The following EXOSC1 variants were observed in gnomAD, a reference collection of about 807,000 sequenced individuals.
The protein encoded by EXOSC1 is exosome component 1.
A neutral mutation model predicts 31.4 loss-of-function variants in EXOSC1; 27 were observed. The observed-to-expected ratio is 0.86, with a 90% confidence interval of 0.63 to 1.18. The LOEUF (loss-of-function observed/expected upper bound fraction) is 1.18. Ranked by LOEUF, EXOSC1 falls within the 50% of genes most tolerant of loss-of-function variation. The pLI is 0.00. For synonymous variants in EXOSC1, 84 were observed against 89.5 expected, an observed-to-expected ratio of 0.94 and a Z score of 0.35; for missense variants, 228 against 250.3, an observed-to-expected ratio of 0.91 and a Z score of 0.60.
chr10:97,436,584 C>A (rs756113295), intron 7 of EXOSC1, 33 bp from the exon 8 acceptor site: 1 of 1,554,034 alleles, frequency 6.4e-7, no homozygotes, highest in South Asian at 1.2e-5. Context: ...GGAGCCCAGA[C>A]CCCAAAGATT....
At position 97,443,389 on chromosome 10, in the gene EXOSC1, A is replaced by G. The variant is rs550878305; in HGVS notation, c.148-78T>C. On this transcript the variant is annotated intron_variant, in intron 2 of 7. Transcript: ENST00000370902. ...GGCATTTGTGGCTTGAGAGTAATAT[A>G]GGAATGTCTTGGTATAAAGGTGAGA... 9.2e-5 allele frequency: 115 copies of G among 1,243,526 alleles called. 2 individuals are homozygous for G. The South Asian group carries it at 1.4e-3, about 16-fold the overall frequency. 77.0% of individuals were successfully genotyped at this position (1,243,526 alleles called of 1,614,324 possible).
rs905348066 is a variant in EXOSC1 at position 97,441,175 on chromosome 10, T to C, written c.307A>G (p.Ile103Val). ...TGTGAAAAGGATACTTCTTACCGGA[T>C]AGTTCCTCGAAAAGAGTTCTTAAGA... ...MPLKNSFRGT[I>V]RKEDVRATEK... is the part of the protein sequence containing the mutation. The change falls in exon 4 of 8, where the codon ATC (isoleucine) becomes GTC (valine). Residue 103 changes from isoleucine (I) to valine (V), a missense_variant. Transcript: ENST00000370902. 1 of 1,613,486 alleles carries C rather than the reference T, an allele frequency of 6.2e-7. No individual in the cohort carries two copies. Among genetic ancestry groups the C allele is most frequent in the Non-Finnish European group, 8.5e-7 (1 of 1,179,442 alleles).
intron 4 of EXOSC1, 195 bp downstream of exon 4, chr10:97,440,976 G>A (rs72833967): frequency 0.024 from 10,981 of 466,732 alleles, 218 homozygotes; most frequent in Middle Eastern, 0.054. Context: ...AAACCCTCTC[G>A]TTAATATTTT....
At chr10:97,443,368 T>A in intron 2 of EXOSC1, 57 bp from the exon 3 acceptor site, 1 of 1,481,606 alleles carries the variant, frequency 6.7e-7, no homozygotes, top group Non-Finnish European at 9.4e-7. Context: ...GGTCAAGGCA[T>A]TTGTGGCTTG....
chr10:97,440,693 A>T (rs796432008), intron 4 of EXOSC1: 24 of 152,324 alleles, frequency 1.6e-4, no homozygotes, highest in African/African-American at 5.6e-4. Flanking sequence ...TAGTTTTTGT[A>T]TTTTTAGTAG....
At position 97,439,036 on chromosome 10, in the gene EXOSC1, G is replaced by C. The variant is rs570302464; in HGVS notation, c.312-333C>G. On this transcript the variant is annotated intron_variant, in intron 4 of 7. Transcript: ENST00000370902. ...CAAAGTGCTGGGATTACAGGCATGA[G>C]TCACCTTGCCCAGCCTGTGAGAAAG... is the stretch of plus-strand genomic sequence containing the variant. Among the ~76,000 whole-genome samples, 13 of 152,280 alleles carry C rather than the reference G, an allele frequency of 8.5e-5. 1 individual carries two copies. In the East Asian group the frequency reaches 2.5e-3, roughly 29 times the overall value.
chr10:97,440,780 GT>G (rs1414769868), intron 4 of EXOSC1: 2 of 156,778 alleles, frequency 1.3e-5, no homozygotes, highest in African/African-American at 2.4e-5. Flanking sequence ...GCCTCCCAAA[GT>G]GATAGGATTA....
Position 97,436,893 on chromosome 10 carries a change from G to A in EXOSC1, c.481+298C>T, listed in dbSNP as rs182823529. On this transcript the variant is annotated intron_variant, in intron 7 of 7. Transcript: ENST00000370902. ...ACAAAAATTAGCTAGGTGTGGTGGC[G>A]TGTGTCTGTAATCCCAGCTACTTGG... Among the ~76,000 whole-genome samples the A allele has an allele frequency of 3.2e-4, 49 of 152,216 alleles. 1 individual carries two copies. The East Asian group carries it at 4.4e-3, about 14-fold the overall frequency.
At chr10:97,438,634 C>T (rs748290774) in intron 5 of EXOSC1, 36 bp downstream of exon 5, 11 of 1,597,400 alleles carry the variant, frequency 6.9e-6, no homozygotes, top group Admixed American at 3.4e-5. Flanking sequence ...GATTGAGATA[C>T]GTAAAGCCAT....
chr10:97,443,997 T>G (rs1334797764), intron 2 of EXOSC1: 1 of 152,214 alleles, frequency 6.6e-6, no homozygotes, highest in Non-Finnish European at 1.5e-5. Flanking sequence ...TTTCACCATG[T>G]TGGCCAGGCT....
At chr10:97,437,305 G>A in intron 6 of EXOSC1, 30 bp from the exon 7 acceptor site, 5 of 1,575,754 alleles carry the variant, frequency 3.2e-6, no homozygotes, top group South Asian at 1.1e-5. Context: ...GAAGGAAAAT[G>A]AGGAGTTAGA....
chr10:97,445,792 G>A lies in EXOSC1; in HGVS notation c.87C>T (p.Arg29=), dbSNP rs1845949454. Residue 29 remains arginine (R), a synonymous_variant, in exon 2 of 8, where the codon CGC becomes CGT. Transcript: ENST00000370902. ...CAAGCGACGAAAAGATGTAGCCGTG[G>A]CGGGTGTAGGTGCCGCTGCCCGGGC... The part of the protein sequence containing the change: ...EGSPGSGTYT[R]HGYIFSSLAG... 6.2e-7 allele frequency: 1 copy of A among 1,613,838 alleles called. No homozygotes were observed. Among genetic ancestry groups the A allele is most frequent in the African/African-American group, 1.3e-5 (1 of 74,940 alleles).
intron 5 of EXOSC1, 35 bp downstream of exon 5, chr10:97,438,635 G>T: frequency 2.5e-6 from 4 of 1,597,942 alleles, no homozygotes; most frequent in Non-Finnish European, 3.4e-6. Flanking sequence ...ATTGAGATAC[G>T]TAAAGCCATT....
chr10:97,445,979 G>T lies in EXOSC1; in HGVS notation c.7C>A (p.Pro3Thr). MA[P>T]PVRYCIPGER... is the part of the protein sequence containing the mutation. ...CCGGGGATGCAGTATCTCACAGGTG[G>T]CGCCATGATTGCCGCTGTCCCAAAA... Residue 3 changes from proline (P) to threonine (T), a missense_variant, in exon 1 of 8, where the codon CCA (proline) becomes ACA (threonine). Coordinates refer to ENST00000370902, the MANE Select transcript of EXOSC1 (RefSeq NM_016046.5). 1 of 1,614,216 alleles carries T rather than the reference G, an allele frequency of 6.2e-7. No individual in the cohort carries two copies. The highest frequency in any genetic ancestry group is 8.5e-7 in the Non-Finnish European group (1 of 1,180,042).
intron 3 of EXOSC1, 41 bp from the exon 4 acceptor site, chr10:97,441,300 T>G: frequency 6.4e-7 from 1 of 1,574,300 alleles, no homozygotes; most frequent in East Asian, 2.2e-5. Flanking sequence ...GTATAAGCAG[T>G]TGTCAGCTCA....
chr10:97,439,153 G>A (rs1274133790), intron 4 of EXOSC1, among the ~76,000 whole-genome samples: 1 of 152,206 alleles, frequency 6.6e-6, no homozygotes, highest in Non-Finnish European at 1.5e-5. Flanking sequence ...GAGGAGCAGG[G>A]TGGAGAAGCA....
Position 97,436,481 on chromosome 10 carries a change from T to C in EXOSC1, c.552A>G (p.Lys184=). Reference sequence around the variant, plus strand: ...AGAATTCGGGTTGTACTCGGGCTACTTTCCGGAATTCTTTAGTGTGGGTCT... The same window carrying C: ...AGAATTCGGGTTGTACTCGGGCTACCTTCCGGAATTCTTTAGTGTGGGTCT... ...CPKTHTKEFR[K]VARVQPEFLQ... is the part of the protein sequence containing the mutation. The change falls in exon 8 of 8, where the codon AAA becomes AAG. Residue 184 remains lysine (K), a synonymous_variant. Coordinates refer to ENST00000370902, the MANE Select transcript of EXOSC1 (RefSeq NM_016046.5). 1 of 1,613,534 alleles carries C rather than the reference T, an allele frequency of 6.2e-7. No homozygotes were observed. Among genetic ancestry groups the C allele is most frequent in the Non-Finnish European group, 8.5e-7 (1 of 1,179,790 alleles).
chr10:97,445,687 G>C (rs915362950), intron 2 of EXOSC1, 45 bp downstream of exon 2: 5 of 1,582,954 alleles, frequency 3.2e-6, no homozygotes, highest in African/African-American at 1.3e-5. Flanking sequence ...CTCAAGGGCA[G>C]CCTAAGGGAA....
intron 4 of EXOSC1, among the ~76,000 whole-genome samples, chr10:97,439,039 A>T (rs1247168883): frequency 6.6e-6 from 1 of 152,198 alleles, no homozygotes; most frequent in Admixed American, 6.6e-5. Flanking sequence ...GGCATGAGTC[A>T]CCTTGCCCAG....
Sources: gnomAD v4.1 joint callset for allele counts (sites outside exome capture counted in the v4.1 genomes callset) on GRCh38, gnomAD v4.1.1 for gene constraint, MANE v1.5 for transcripts, NCBI Gene and HGNC (gene_info 2026-07-23, HGNC 2026-07-21) for gene names.